NEURL1: variants seen among roughly 807,000 people sequenced by gnomAD.
The protein encoded by NEURL1 is neuralized E3 ubiquitin protein ligase 1.
Under a neutral mutation model 41.2 loss-of-function variants are expected in NEURL1, and 26 were observed. That is an observed-to-expected ratio of 0.63 (90% CI 0.46 to 0.87). The LOEUF (loss-of-function observed/expected upper bound fraction) is 0.87, where lower values mean the gene tolerates loss of function less well. Among genes scored for constraint, NEURL1 ranks in the 40% least tolerant of loss-of-function variants. The pLI is 0.00. For synonymous variants in NEURL1, 400 were observed against 402.3 expected, an observed-to-expected ratio of 0.99 and a Z score of 0.07; for missense variants, 761 against 871.1, an observed-to-expected ratio of 0.87 and a Z score of 1.59.
At chr10:103,546,034 C>T (rs1592211804) in intron 1 of NEURL1, among the ~76,000 whole-genome samples, 1 of 152,338 alleles carries the variant, frequency 6.6e-6, no homozygotes, top group East Asian at 1.9e-4. Context: ...GACAAGGTCT[C>T]ACTCTGTCAG....
intron 1 of NEURL1, among the ~76,000 whole-genome samples, chr10:103,539,373 A>G (rs756499157): frequency 6.6e-6 from 1 of 152,110 alleles, no homozygotes; most frequent in Non-Finnish European, 1.5e-5. Flanking sequence ...AGTTGTTTAT[A>G]TATTCTGGAT....
rs1356094215 is a variant in NEURL1, at chr10:103,545,940, A to G, written c.86-24932A>G. Among the ~76,000 whole-genome samples the G allele has an allele frequency of 2.0e-5, 3 of 152,164 alleles. No individual in the cohort carries two copies. Among genetic ancestry groups the G allele is most frequent in the African/African-American group, 7.2e-5 (3 of 41,434 alleles). On this transcript the variant is annotated intron_variant, in intron 1 of 5. Transcript: ENST00000369780. This position sits in a 1 kb window ranked among gnomAD's most constrained non-coding sequence, Gnocchi z 4.5. Reference sequence around the variant, plus strand: ...AGGTGCATGACGGGGACTCTGGCAAAGTAGGATGGTGACTGTGGGCACACT... The same window carrying G: ...AGGTGCATGACGGGGACTCTGGCAAGGTAGGATGGTGACTGTGGGCACACT...
At chr10:103,555,426 G>A in intron 1 of NEURL1, 1 of 1,355,608 alleles carries the variant, frequency 7.4e-7, no homozygotes, top group Non-Finnish European at 9.8e-7. Context: ...AAGGCCCCGC[G>A]GATGCCTGCG....
chr10:103,586,964 T>C (rs936776132), intron 4 of NEURL1, among the ~76,000 whole-genome samples: 3 of 151,914 alleles, frequency 2.0e-5, no homozygotes, highest in African/African-American at 7.3e-5. Flanking sequence ...GGCAGGAGAA[T>C]CACTTGAACC....
intron 1 of NEURL1, among the ~76,000 whole-genome samples, chr10:103,499,274 T>G (rs1218939477): frequency 6.6e-6 from 1 of 152,206 alleles, no homozygotes; most frequent in Non-Finnish European, 1.5e-5. Context: ...TTGATTCTTG[T>G]GGTGGGCCAG....
intron 1 of NEURL1, chr10:103,555,274 C>G: frequency 4.4e-6 from 5 of 1,132,196 alleles, no homozygotes; most frequent in Non-Finnish European, 5.6e-6. Context: ...CCGGTCTCCG[C>G]CCGCGGGGGA....
chr10:103,557,326 T>C (rs2035178010), intron 1 of NEURL1, among the ~76,000 whole-genome samples: 1 of 152,132 alleles, frequency 6.6e-6, no homozygotes, highest in African/African-American at 2.4e-5. Flanking sequence ...GAACTCAACA[T>C]GGGGAAAATC....
intron 1 of NEURL1, among the ~76,000 whole-genome samples, chr10:103,507,334 T>C (rs1204113284): frequency 6.6e-6 from 1 of 152,086 alleles, no homozygotes; most frequent in Non-Finnish European, 1.5e-5. Flanking sequence ...CAGGATCACT[T>C]AGATGTGCTA....
At position 103,545,994 on chromosome 10, in the gene NEURL1, G is replaced by T. The variant is rs566125009; in HGVS notation, c.86-24878G>T. Among the ~76,000 whole-genome samples, 1 of 152,300 alleles carries T rather than the reference G, an allele frequency of 6.6e-6. No homozygotes were observed. Among genetic ancestry groups the T allele is most frequent in the Admixed American group, 6.5e-5 (1 of 15,306 alleles). On this transcript the variant is annotated intron_variant, in intron 1 of 5. Coordinates refer to ENST00000369780, the MANE Select transcript of NEURL1 (RefSeq NM_004210.5). The surrounding 1 kb of genome is among the most constrained non-coding windows in gnomAD (Gnocchi z 4.5). ...GCCAAAGTCCAGGGCAGTCCACATTGGGATCAAATTTCACTTTTCTTTTTT... is the reference window on the plus strand; with the variant it reads ...GCCAAAGTCCAGGGCAGTCCACATTTGGATCAAATTTCACTTTTCTTTTTT...
rs562545233 is a variant in NEURL1 at position 103,519,279 on chromosome 10, C to T, written c.85+24807C>T. ...AGAAAGAAAGAAAGAAAGAAAAAAACACTTTTTTAAAAAATGAACTTTTAT... is the reference window on the plus strand; with the variant it reads ...AGAAAGAAAGAAAGAAAGAAAAAAATACTTTTTTAAAAAATGAACTTTTAT... On this transcript the variant is annotated intron_variant, in intron 1 of 5. Transcript: ENST00000369780. Among the ~76,000 whole-genome samples, 7 of 151,714 alleles carry T rather than the reference C, an allele frequency of 4.6e-5. No individual in the cohort carries two copies. The East Asian group carries it at 1.3e-3, about 29-fold the overall frequency.
At chr10:103,568,229 C>G (rs550583054) in intron 1 of NEURL1, among the ~76,000 whole-genome samples, 19 of 152,326 alleles carry the variant, frequency 1.2e-4, no homozygotes, top group African/African-American at 4.6e-4. Context: ...GCTGCCCCAG[C>G]CCCACCCTCA....
chr10:103,583,109 T>C (rs4918025), intron 3 of NEURL1, among the ~76,000 whole-genome samples: 42,297 of 152,106 alleles, frequency 0.28, 6,380 homozygotes, highest in East Asian at 0.45. Flanking sequence ...ACACAGCCAT[T>C]AGAAGAATAT....
chr10:103,569,799 C>A (rs2035498992), intron 1 of NEURL1, among the ~76,000 whole-genome samples: 1 of 152,202 alleles, frequency 6.6e-6, no homozygotes, highest in Non-Finnish European at 1.5e-5. Context: ...GCCTGGCAGG[C>A]AGGAAGCTGC....
chr10:103,583,753 A>C (rs1316001031), intron 3 of NEURL1, among the ~76,000 whole-genome samples: 2 of 148,984 alleles, frequency 1.3e-5, no homozygotes, highest in Admixed American at 6.7e-5. Flanking sequence ...CAAAAAACCC[A>C]AAAATACAGC....
At chr10:103,500,013 G>T (rs557597490) in intron 1 of NEURL1, among the ~76,000 whole-genome samples, 1 of 152,074 alleles carries the variant, frequency 6.6e-6, no homozygotes, top group East Asian at 1.9e-4. Context: ...CTCCTTCCTT[G>T]GTTGTCATGA....
Position 103,514,255 on chromosome 10 carries a change from A to AT in NEURL1, c.85+19791dup, listed in dbSNP as rs536286176. Among the ~76,000 whole-genome samples, 481 of 151,596 alleles carry AT rather than the reference A, an allele frequency of 3.2e-3. 2 individuals are homozygous for AT. Among genetic ancestry groups the AT allele is most frequent in the South Asian group, 8.6e-3 (41 of 4,794 alleles). ...CAGCATGCGCCACCAAGCCCAGCTA[A>AT]TTTTTTTTGTATTTTTAGTAGAGAT... On this transcript the variant is annotated intron_variant, in intron 1 of 5. Coordinates refer to ENST00000369780, the MANE Select transcript of NEURL1 (RefSeq NM_004210.5).
intron 1 of NEURL1, among the ~76,000 whole-genome samples, chr10:103,514,238 G>A (rs551024773): frequency 3.9e-5 from 6 of 151,900 alleles, no homozygotes; most frequent in South Asian, 4.2e-4. Context: ...TACAGCATGC[G>A]CCACCAAGCC....
chr10:103,494,330 A>T lies in NEURL1; in HGVS notation c.-58A>T. On this transcript the variant is annotated 5_prime_UTR_variant, in exon 1 of 6. Coordinates refer to ENST00000369780, the MANE Select transcript of NEURL1 (RefSeq NM_004210.5). ...CGCGCACACTCGCACACCGCACCTC[A>T]GCGCCTGCCCGGCCTCGCCCCCACC... 1 of 1,453,068 alleles carries T rather than the reference A, an allele frequency of 6.9e-7. No individual in the cohort carries two copies. Among genetic ancestry groups the T allele is most frequent in the Non-Finnish European group, 9.4e-7 (1 of 1,063,410 alleles). 90.0% of individuals were successfully genotyped at this position (1,453,068 alleles called of 1,614,324 possible).
In NEURL1 at chr10:103,582,172, T is replaced by C. The variant is rs189271564; in HGVS notation, c.650-2364T>C. Among the ~76,000 whole-genome samples the C allele has an allele frequency of 2.6e-5, 4 of 152,176 alleles. No individual in the cohort carries two copies. In the East Asian group the frequency reaches 5.8e-4, roughly 22 times the overall value. On this transcript the variant is annotated intron_variant, in intron 3 of 5. Coordinates refer to ENST00000369780, the MANE Select transcript of NEURL1 (RefSeq NM_004210.5). ...CATCTCTGAGCGACCTGATTCCTCTTCTCCCTGCTGTTACTGCCCCTTCCC... is the reference window on the plus strand; with the variant it reads ...CATCTCTGAGCGACCTGATTCCTCTCCTCCCTGCTGTTACTGCCCCTTCCC...
Sources: gnomAD v4.1 joint callset for allele counts (sites outside exome capture counted in the v4.1 genomes callset) on GRCh38, gnomAD v4.1.1 for gene constraint, Gnocchi (gnomAD v3.1) non-coding constraint, MANE v1.5 for transcripts, NCBI Gene and HGNC (gene_info 2026-07-23, HGNC 2026-07-21) for gene names.